Variants in SNHG17 observed in about 807,000 individuals in gnomAD.
SNHG17 encodes the protein small nucleolar RNA host gene 17 (non-protein coding).
At chr20:38,433,810 C>T (rs2084378157) in intron 2 of SNHG17, 1 of 518,986 alleles carries the variant, frequency 1.9e-6, no homozygotes, top group Middle Eastern at 3.2e-4. Flanking sequence ...ACAGGGAGCA[C>T]TCACTAATAA....
intron 5 of SNHG17, among the ~76,000 whole-genome samples, chr20:38,422,476 C>G (rs905353193): frequency 5.3e-5 from 8 of 152,250 alleles, no homozygotes; most frequent in African/African-American, 1.7e-4. Flanking sequence ...GTCTCAGGAA[C>G]AAGAAAAACG....
chr20:38,433,460 A>G (rs188061244), intron 2 of SNHG17, among the ~76,000 whole-genome samples: 1 of 152,278 alleles, frequency 6.6e-6, no homozygotes, highest in African/African-American at 2.4e-5. Context: ...CCTGGGCAAC[A>G]TAGCGAGACC....
intron 3 of SNHG17, chr20:38,429,871 GGA>G (rs2084314835): frequency 4.0e-6 from 2 of 494,050 alleles, no homozygotes; most frequent in Admixed American, 4.4e-5. Context: ...GGTCTCACCT[GGA>G]ACAGAACAGC....
intron 3 of SNHG17, chr20:38,431,013 C>T (rs2084333612): frequency 6.6e-6 from 1 of 152,514 alleles, no homozygotes; most frequent in Non-Finnish European, 1.5e-5. Context: ...AACTTGAGCT[C>T]TAGAGGACTG....
intron 5 of SNHG17, among the ~76,000 whole-genome samples, chr20:38,423,154 T>C (rs1259014357): frequency 3.3e-5 from 5 of 151,188 alleles, no homozygotes; most frequent in Non-Finnish European, 5.9e-5. Flanking sequence ...CCCAGCACTT[T>C]TGGAAGCGAA....
At chr20:38,423,306 AG>A (rs2084189799) in intron 5 of SNHG17, among the ~76,000 whole-genome samples, 1 of 150,186 alleles carries the variant, frequency 6.7e-6, no homozygotes, top group African/African-American at 2.4e-5. Flanking sequence ...ATGAGGTGGG[AG>A]GGTCACTTAA....
intron 3 of SNHG17, among the ~76,000 whole-genome samples, chr20:38,430,311 C>T (rs548486593): frequency 5.5e-5 from 8 of 145,694 alleles, no homozygotes; most frequent in East Asian, 2.1e-4. Context: ...ACAGAGACTC[C>T]GTCTCAAAAG....
At chr20:38,420,955 C>T (rs1414941014) in intron 7 of SNHG17, 1 of 152,134 alleles carries the variant, frequency 6.6e-6, no homozygotes, top group African/African-American at 2.4e-5. Context: ...TGCATAAACA[C>T]GGACCAGCTG....
At position 38,423,475 on chromosome 20, in the gene SNHG17, C is replaced by T. The variant is rs952147528; in HGVS notation, n.580-1234G>A. Among the ~76,000 whole-genome samples the T allele has an allele frequency of 2.1e-5, 3 of 141,616 alleles. 1 individual carries two copies. The highest frequency in any genetic ancestry group is 1.4e-4 in the Admixed American group (2 of 14,116). 92.9% of individuals were successfully genotyped at this position (141,616 alleles called of 152,430 possible). A position where few individuals can be genotyped will look rare whatever the true frequency, so the allele number is the denominator to read the frequency against. ...TGTCATTTGCCACAACATGGATGGA[C>T]CTGGAGGATATTATGTTAAATGAAA... On this transcript the variant is annotated intron_variant and non_coding_transcript_variant, in intron 5 of 8. Transcript: ENST00000654008.
At chr20:38,433,944 C>G (rs370447705) in intron 2 of SNHG17, 30 of 519,100 alleles carry the variant, frequency 5.8e-5, no homozygotes, top group Non-Finnish European at 8.8e-5. Flanking sequence ...ATTTCTCTCC[C>G]TGCACTATCA....
chr20:38,425,185 G>A (rs2084225822), intron 5 of SNHG17: 1 of 517,608 alleles, frequency 1.9e-6, no homozygotes, highest in Non-Finnish European at 3.9e-6. Context: ...CATCACTGGT[G>A]AGAATAAAGG....
intron 2 of SNHG17, chr20:38,433,735 G>A: frequency 2.1e-6 from 1 of 479,676 alleles, no homozygotes; most frequent in Non-Finnish European, 4.2e-6. Context: ...CACCAATCCT[G>A]AGGCAGGGAC....
In SNHG17 at chr20:38,431,940, C is replaced by G. The variant is rs1162296865; in HGVS notation, n.309-828G>C. On this transcript the variant is annotated intron_variant and non_coding_transcript_variant, in intron 2 of 8. Transcript: ENST00000654008. ...TTCCCAGACATCACGCCCAGGGAAC[C>G]TGCATGCACCCACCCTTGTGGGACA... 8.5e-6 allele frequency: 8 copies of G among 938,004 alleles called. No individual in the cohort carries two copies. In the East Asian group the frequency reaches 7.0e-4, roughly 82 times the overall value. The allele number at this position is 938,004 out of a possible 1,614,324, so 58.1% of individuals were successfully genotyped here.
chr20:38,432,898 C>A (rs962917601), intron 2 of SNHG17, among the ~76,000 whole-genome samples: 1 of 152,154 alleles, frequency 6.6e-6, no homozygotes, highest in Admixed American at 6.5e-5. Context: ...GATCCACCCA[C>A]CTCAGTCTCC....
chr20:38,434,529 A>C (rs1051354861), exon 2 of SNHG17: 1 of 166,976 alleles, frequency 6.0e-6, no homozygotes, highest in Admixed American at 5.5e-5. Context: ...CCCCGCGGAC[A>C]GTGGAAGCCC....
intron 3 of SNHG17, chr20:38,427,388 C>T (rs1336272239): frequency 1.9e-6 from 1 of 518,984 alleles, no homozygotes; most frequent in African/African-American, 1.9e-5. Flanking sequence ...GTTCCTCTCC[C>T]TGCACTATCA....
chr20:38,422,940 A>G (rs1395354279), intron 5 of SNHG17, among the ~76,000 whole-genome samples: 2 of 152,026 alleles, frequency 1.3e-5, no homozygotes, highest in East Asian at 3.9e-4. Flanking sequence ...GAAATACAAA[A>G]AATTATCCAG....
At chr20:38,424,383 G>C (rs775737470) in intron 5 of SNHG17, among the ~76,000 whole-genome samples, 17 of 151,894 alleles carry the variant, frequency 1.1e-4, no homozygotes, top group Non-Finnish European at 2.2e-4. Context: ...TACTACTCTA[G>C]CCCTTGCCAC....
intron 5 of SNHG17, among the ~76,000 whole-genome samples, chr20:38,424,159 G>C (rs1376275450): frequency 6.9e-6 from 1 of 145,738 alleles, no homozygotes; most frequent in Non-Finnish European, 1.5e-5. Context: ...AACAGAGCAA[G>C]ACTGGGTCTC....
Sources: gnomAD v4.1 joint callset for allele counts (sites outside exome capture counted in the v4.1 genomes callset) on GRCh38, gnomAD v4.1.1 for gene constraint, MANE v1.5 for transcripts, NCBI Gene and HGNC (gene_info 2026-07-23, HGNC 2026-07-21) for gene names.